Variants in MYH10 observed in about 807,000 individuals in gnomAD.
The protein encoded by MYH10 is myosin heavy chain 10, also known as myosin-10.
MYH10 carries 55 observed loss-of-function variants against 257.8 expected under a neutral mutation model. That is an observed-to-expected ratio of 0.21 (90% CI 0.17 to 0.27). MYH10 has a LOEUF of 0.27. Among genes scored for constraint, MYH10 ranks in the 10% least tolerant of loss-of-function variants. The pLI, the probability that MYH10 is intolerant of heterozygous loss-of-function variation, is 1.00. For missense variants in MYH10, 1,631 were observed against 2,500.6 expected (o/e 0.65, Z 7.42); for synonymous variants, 854 against 921.7 (o/e 0.93, Z 1.33).
At chr17:8,487,793 C>A (rs1915122442) in intron 35 of MYH10, among the ~76,000 whole-genome samples, 199 bp from the exon 36 acceptor site, 1 of 152,172 alleles carries the variant, frequency 6.6e-6, no homozygotes. Flanking sequence ...TCTTTAAACA[C>A]CACCACCTAG....
At chr17:8,598,200 T>C (rs1477582438) in intron 3 of MYH10, among the ~76,000 whole-genome samples, 2 of 152,208 alleles carry the variant, frequency 1.3e-5, no homozygotes, top group Non-Finnish European at 1.5e-5. Flanking sequence ...CTTGAAGACA[T>C]AAAGATAGAT....
intron 2 of MYH10, among the ~76,000 whole-genome samples, chr17:8,621,097 A>C (rs2085450398): frequency 6.6e-6 from 1 of 152,206 alleles, no homozygotes; most frequent in Non-Finnish European, 1.5e-5. Flanking sequence ...TCCAGCTGCC[A>C]GTGTGGGAAA....
intron 4 of MYH10, among the ~76,000 whole-genome samples, chr17:8,585,284 G>A (rs1297139511): frequency 1.1e-3 from 7 of 6,342 alleles, no homozygotes; most frequent in Non-Finnish European, 6.2e-3. Flanking sequence ...GCATGTGTGT[G>A]TGTGTATATA....
chr17:8,604,014 G>C (rs922269126), intron 3 of MYH10, among the ~76,000 whole-genome samples: 2 of 152,126 alleles, frequency 1.3e-5, no homozygotes, highest in African/African-American at 4.8e-5. Flanking sequence ...TCACCAAAAA[G>C]AACTTGCCAT....
At chr17:8,546,736 G>T (rs1476107297) in intron 11 of MYH10, 74 bp from the exon 12 acceptor site, 1 of 1,042,902 alleles carries the variant, frequency 9.6e-7, no homozygotes. Flanking sequence ...AATAAACACT[G>T]GAAAAACCTT....
At chr17:8,608,793 C>A (rs139366971) in intron 2 of MYH10, among the ~76,000 whole-genome samples, 116 of 152,060 alleles carry the variant, frequency 7.6e-4, no homozygotes, top group Admixed American at 1.8e-3. Context: ...CCATCTTCCT[C>A]TGTCTATGAT....
chr17:8,615,433 C>G (rs543711661), intron 2 of MYH10, among the ~76,000 whole-genome samples: 8 of 152,038 alleles, frequency 5.3e-5, no homozygotes, highest in Non-Finnish European at 1.2e-4. Context: ...GAAACATTTC[C>G]CAATTCATTT....
At chr17:8,589,945 G>A (rs1037800328) in intron 3 of MYH10, among the ~76,000 whole-genome samples, 8 of 152,174 alleles carry the variant, frequency 5.3e-5, no homozygotes, top group African/African-American at 1.7e-4. Context: ...ACACGGCTAC[G>A]AAGGGGCAAG....
At chr17:8,547,889 C>T (rs952799276) in intron 11 of MYH10, among the ~76,000 whole-genome samples, 11 of 150,054 alleles carry the variant, frequency 7.3e-5, no homozygotes, top group South Asian at 4.2e-4. Flanking sequence ...AAACCATTTT[C>T]GACATTTAAA....
At chr17:8,614,951 T>G (rs35798226) in intron 2 of MYH10, among the ~76,000 whole-genome samples, 2,708 of 152,248 alleles carry the variant, frequency 0.018, 39 homozygotes, top group Non-Finnish European at 0.026. Flanking sequence ...ACCAATAAAT[T>G]TGAACATTTA....
chr17:8,529,613 T>C (rs1456132315), intron 17 of MYH10, among the ~76,000 whole-genome samples: 1 of 152,194 alleles, frequency 6.6e-6, no homozygotes, highest in Non-Finnish European at 1.5e-5. Flanking sequence ...GCATAATCTT[T>C]TCTCTCCTCC....
chr17:8,612,961 T>C (rs1257828395), intron 2 of MYH10, among the ~76,000 whole-genome samples: 1 of 152,196 alleles, frequency 6.6e-6, no homozygotes, highest in East Asian at 1.9e-4. Context: ...GATCTTAGAA[T>C]GTATCCCTTG....
In MYH10 at chr17:8,535,219, A is replaced by G. The variant is rs1024799395; in HGVS notation, c.1894+168T>C. Among the ~76,000 whole-genome samples the G allele has an allele frequency of 6.6e-6, 1 of 152,238 alleles. No individual in the cohort carries two copies. The highest frequency in any genetic ancestry group is 2.4e-5 in the African/African-American group (1 of 41,466). On this transcript the variant is annotated intron_variant, in intron 16 of 42. Transcript: ENST00000360416. This position sits in a 1 kb window ranked among gnomAD's most constrained non-coding sequence, Gnocchi z 4.3. Reference sequence around the variant, plus strand: ...TCTGTATTCATTTCTTAACCCAAGTATTGTTAAAACGGATAAATTCCGATA... The same window carrying G: ...TCTGTATTCATTTCTTAACCCAAGTGTTGTTAAAACGGATAAATTCCGATA...
intron 28 of MYH10, among the ~76,000 whole-genome samples, chr17:8,502,990 A>C (rs2080949758): frequency 6.6e-6 from 1 of 152,248 alleles, no homozygotes; most frequent in Admixed American, 6.5e-5. Flanking sequence ...ACTCTGCTGA[A>C]GTGGGGTAAG....
chr17:8,623,263 C>T lies in MYH10; in HGVS notation c.-17G>A. On this transcript the variant is annotated 5_prime_UTR_variant, in exon 2 of 43. Transcript: ENST00000360416. ...CTGCGCCATTGTAAATGGAACGATC[C>T]AAAAGCAATTGCCTCTAAGAGAAGA... The T allele has an allele frequency of 1.3e-6, 2 of 1,555,692 alleles. No individual in the cohort carries two copies. The highest frequency in any genetic ancestry group is 3.4e-4 in the Middle Eastern group (2 of 5,820).
At chr17:8,577,115 C>G in intron 5 of MYH10, 121 bp downstream of exon 5, 1 of 644,226 alleles carries the variant, frequency 1.6e-6, no homozygotes, top group East Asian at 2.7e-5. Flanking sequence ...TGGCGGGGAG[C>G]AGGTGGAGAC....
At position 8,552,086 on chromosome 17, in the gene MYH10, G is replaced by A; in HGVS notation, c.879C>T (p.Ile293=). 2 of 1,563,206 alleles carry A rather than the reference G, an allele frequency of 1.3e-6. No homozygotes were observed. The highest frequency in any genetic ancestry group is 1.7e-6 in the Non-Finnish European group (2 of 1,150,294). The change falls in exon 9 of 43, where the codon ATC becomes ATT. Residue 293 remains isoleucine (I), a synonymous_variant. Transcript: ENST00000360416. The surrounding 1 kb of genome is among the most constrained non-coding windows in gnomAD (Gnocchi z 4.8). ...CTGCTCCAGATAACAACTGGTAAAA[G>A]ATATGAAAAGTACGTTCATCTTTTG... ...RQAKDERTFH[I]FYQLLSGAGE...
At chr17:8,512,845 T>C (rs1425133704) in intron 23 of MYH10, among the ~76,000 whole-genome samples, 188 bp from the exon 24 acceptor site, 2 of 152,182 alleles carry the variant, frequency 1.3e-5, no homozygotes, top group African/African-American at 2.4e-5. Flanking sequence ...ATTTTGGTTG[T>C]TCCTGTTGTC....
chr17:8,624,634 A>G (rs926062818), intron 1 of MYH10, among the ~76,000 whole-genome samples: 17 of 152,228 alleles, frequency 1.1e-4, no homozygotes, highest in Admixed American at 3.3e-4. Flanking sequence ...CTCAACTTCA[A>G]CAAAATCCCT....
Sources: allele counts gnomAD v4.1 joint callset (sites outside exome capture counted in the v4.1 genomes callset), GRCh38; gene constraint gnomAD v4.1.1; non-coding constraint Gnocchi (gnomAD v3.1); transcripts MANE v1.5; gene names NCBI Gene and HGNC (gene_info 2026-07-23, HGNC 2026-07-21).